The following GRM7 variants were observed in gnomAD, a reference collection of about 807,000 sequenced individuals.
GRM7 encodes metabotropic glutamate receptor 7.
GRM7 carries 35 observed loss-of-function variants against 84.5 expected under a neutral mutation model. That is an observed-to-expected ratio of 0.41 (90% CI 0.32 to 0.55). GRM7 has a LOEUF of 0.55. GRM7 is among the 20% of genes least tolerant of loss of function. The pLI is 0.19. For synonymous variants in GRM7, 487 were observed against 455.1 expected, an observed-to-expected ratio of 1.07 and a Z score of -0.89; for missense variants, 1,003 against 1,194.6, an observed-to-expected ratio of 0.84 and a Z score of 2.36.
intron 2 of GRM7, among the ~76,000 whole-genome samples, chr3:7,247,472 AC>A (rs1697808710): frequency 6.6e-6 from 1 of 151,708 alleles, no homozygotes; most frequent in Admixed American, 6.6e-5. Flanking sequence ...GGCGGCTCAC[AC>A]CTGTAGTCCT....
intron 1 of GRM7, among the ~76,000 whole-genome samples, chr3:7,089,105 A>G (rs899195855): frequency 6.6e-6 from 1 of 152,164 alleles, no homozygotes; most frequent in Admixed American, 6.5e-5. Context: ...ATTTTTGTTA[A>G]AAGTATCTCT....
chr3:7,226,516 T>A (rs73809011), intron 2 of GRM7, among the ~76,000 whole-genome samples: 4,038 of 152,236 alleles, frequency 0.027, 181 homozygotes, highest in African/African-American at 0.093. Flanking sequence ...AAGACAGAGT[T>A]CTGTATAAAA....
intron 8 of GRM7, among the ~76,000 whole-genome samples, chr3:7,626,736 A>G (rs1697632755): frequency 6.6e-6 from 1 of 152,134 alleles, no homozygotes; most frequent in Non-Finnish European, 1.5e-5. Context: ...CATTTTAACC[A>G]ATTACATATT....
chr3:7,312,928 CTTTTTTTCTTTTTT>C (rs1180311699), intron 4 of GRM7, among the ~76,000 whole-genome samples: 28 of 124,156 alleles, frequency 2.3e-4, no homozygotes, highest in African/African-American at 6.7e-4. Flanking sequence ...CCTTTTTTTT[CTTTTTTTCTTTTTT>C]TTTTTTTTTT....
intron 4 of GRM7, among the ~76,000 whole-genome samples, chr3:7,368,933 A>G (rs553945215): frequency 9.1e-4 from 138 of 152,158 alleles, no homozygotes; most frequent in African/African-American, 3.2e-3. Flanking sequence ...TGCACACTCT[A>G]AATCCACCTA....
intron 7 of GRM7, among the ~76,000 whole-genome samples, chr3:7,564,471 T>A (rs1476397902): frequency 6.6e-6 from 1 of 152,040 alleles, no homozygotes; most frequent in Admixed American, 6.6e-5. Context: ...TGGAGAGATC[T>A]AGAAAAAGGA....
intron 2 of GRM7, among the ~76,000 whole-genome samples, chr3:7,187,345 A>T (rs1695555323): frequency 6.6e-6 from 1 of 152,220 alleles, no homozygotes; most frequent in African/African-American, 2.4e-5. Flanking sequence ...TATAAGTAGC[A>T]CATGTAACCT....
intron 4 of GRM7, among the ~76,000 whole-genome samples, chr3:7,386,553 G>A (rs535350249): frequency 1.2e-4 from 19 of 152,068 alleles, no homozygotes; most frequent in Non-Finnish European, 2.4e-4. Flanking sequence ...GTATTAATTC[G>A]CTTAGGATAC....
chr3:7,209,802 G>A lies in GRM7; in HGVS notation c.736+63134G>A, dbSNP rs536455988. On this transcript the variant is annotated intron_variant, in intron 2 of 9. Transcript: ENST00000357716. Reference sequence around the variant, plus strand: ...GCCATAAGAAAGGATGAGAGATGAGGTGGGTAGAAGTAGAGAAGGCCTTAA... The same window carrying A: ...GCCATAAGAAAGGATGAGAGATGAGATGGGTAGAAGTAGAGAAGGCCTTAA... Among the ~76,000 whole-genome samples, 320 of 152,214 alleles carry A rather than the reference G, an allele frequency of 2.1e-3. 1 individual carries two copies. Among genetic ancestry groups the A allele is most frequent in the Non-Finnish European group, 4.4e-3 (300 of 67,992 alleles).
At chr3:7,421,436 T>G (rs1696388122) in intron 5 of GRM7, among the ~76,000 whole-genome samples, 2 of 152,232 alleles carry the variant, frequency 1.3e-5, no homozygotes, top group South Asian at 4.1e-4. Context: ...AACTTCACTT[T>G]GTTTTTCAAA....
intron 1 of GRM7, among the ~76,000 whole-genome samples, chr3:6,952,636 C>T (rs747699354): frequency 6.2e-4 from 95 of 152,300 alleles, no homozygotes; most frequent in Non-Finnish European, 1.1e-3. Context: ...TTTCCCATCT[C>T]TCAGGGGAAA....
chr3:7,549,133 A>G (rs1046883743), intron 7 of GRM7, among the ~76,000 whole-genome samples: 23 of 152,218 alleles, frequency 1.5e-4, no homozygotes, highest in African/African-American at 5.3e-4. Flanking sequence ...AATTTTACAA[A>G]TGTTATGAGT....
At chr3:6,865,880 A>G (rs1694922450) in intron 1 of GRM7, among the ~76,000 whole-genome samples, 1 of 152,168 alleles carries the variant, frequency 6.6e-6, no homozygotes. Flanking sequence ...ATAATTTAAT[A>G]AGTATAGGTG....
In GRM7 at chr3:7,228,340, T is replaced by C. The variant is rs1420070289; in HGVS notation, c.737-70344T>C. Among the ~76,000 whole-genome samples, 4 of 152,110 alleles carry C rather than the reference T, an allele frequency of 2.6e-5. No homozygotes were observed. The East Asian group carries it at 7.7e-4, about 29-fold the overall frequency. The stretch of plus-strand genomic sequence containing the variant: ...GTTCATTGGTAGGAAGAAATAGATA[T>C]CGATTCTCTCATAGCATTAATGAAA... On this transcript the variant is annotated intron_variant, in intron 2 of 9. Coordinates refer to ENST00000357716, the MANE Select transcript of GRM7 (RefSeq NM_000844.4).
At chr3:7,277,219 G>A (rs1699105658) in intron 2 of GRM7, among the ~76,000 whole-genome samples, 1 of 151,988 alleles carries the variant, frequency 6.6e-6, no homozygotes, top group Admixed American at 6.6e-5. Flanking sequence ...AACTGGGTAA[G>A]TTATTTCTAG....
rs188392969 is a variant in GRM7 at position 7,502,450 on chromosome 3, G to A, written c.1515+40728G>A. Among the ~76,000 whole-genome samples, 300 of 152,208 alleles carry A rather than the reference G, an allele frequency of 2.0e-3. 2 individuals carry two copies. The highest frequency in any genetic ancestry group is 6.3e-3 in the African/African-American group (260 of 41,526). On this transcript the variant is annotated intron_variant, in intron 7 of 9. Transcript: ENST00000357716. ...TCTCAGTTTCCTAACATTAAAATGA[G>A]ACATTTGGGTATCAGAAACTTTTGA...
intron 1 of GRM7, among the ~76,000 whole-genome samples, chr3:7,047,938 A>G (rs1369369214): frequency 1.3e-5 from 2 of 151,962 alleles, no homozygotes; most frequent in Non-Finnish European, 1.5e-5. Context: ...GCTTTATTAT[A>G]ATTCGGTTTA....
chr3:7,109,775 C>G (rs985410121), intron 1 of GRM7, among the ~76,000 whole-genome samples: 1 of 151,992 alleles, frequency 6.6e-6, no homozygotes, highest in Non-Finnish European at 1.5e-5. Flanking sequence ...AAATTATGTG[C>G]AGGTAATACC....
At chr3:7,086,803 T>TA (rs1254156320) in intron 1 of GRM7, among the ~76,000 whole-genome samples, 1 of 152,168 alleles carries the variant, frequency 6.6e-6, no homozygotes, top group Non-Finnish European at 1.5e-5. Flanking sequence ...AGATAACAGA[T>TA]AAAAAAGAGG....
Sources: gnomAD v4.1 joint callset for allele counts (sites outside exome capture counted in the v4.1 genomes callset) on GRCh38, gnomAD v4.1.1 for gene constraint, MANE v1.5 for transcripts, NCBI Gene and HGNC (gene_info 2026-07-23, HGNC 2026-07-21) for gene names.